ZC3HC1: variants seen among roughly 807,000 people sequenced by gnomAD.
ZC3HC1 encodes zinc finger C3HC-type protein 1.
ZC3HC1 carries 38 observed loss-of-function variants against 61.9 expected under a neutral mutation model. The observed-to-expected ratio is 0.61, with a 90% CI of 0.47 to 0.81. The LOEUF (loss-of-function observed/expected upper bound fraction) is 0.81, where lower values mean the gene tolerates loss of function less well. ZC3HC1 is among the 30% of genes least tolerant of loss of function. The pLI, the probability that ZC3HC1 is intolerant of heterozygous loss-of-function variation, is 0.00. For synonymous variants in ZC3HC1, 213 were observed against 229.9 expected, an observed-to-expected ratio of 0.93 and a Z score of 0.67; for missense variants, 554 against 622.7, an observed-to-expected ratio of 0.89 and a Z score of 1.17.
intron 4 of ZC3HC1, among the ~76,000 whole-genome samples, chr7:130,032,714 G>GAAGC (rs1794257240): frequency 8.1e-6 from 1 of 123,630 alleles, no homozygotes; most frequent in Non-Finnish European, 1.7e-5. Context: ...AGGAAGGAAG[G>GAAGC]AAGGGAAGGA....
chr7:130,043,661 AT>A (rs1438622236), intron 2 of ZC3HC1: 4 of 309,868 alleles, frequency 1.3e-5, no homozygotes, highest in African/African-American at 8.8e-5. Flanking sequence ...TCTTAAAGCC[AT>A]TAGGCGGTGA....
intron 4 of ZC3HC1, among the ~76,000 whole-genome samples, chr7:130,029,239 T>C (rs1426638977): frequency 1.3e-5 from 2 of 151,924 alleles, no homozygotes; most frequent in East Asian, 3.9e-4. Context: ...CCAGGCATGG[T>C]GGCGCGTGCC....
intron 4 of ZC3HC1, among the ~76,000 whole-genome samples, chr7:130,031,522 A>C (rs899930888): frequency 6.6e-6 from 1 of 152,150 alleles, no homozygotes; most frequent in Non-Finnish European, 1.5e-5. Context: ...TTCCCCAGAC[A>C]GGTTTTCAAA....
At chr7:130,048,145 T>C (rs1158000220) in intron 2 of ZC3HC1, among the ~76,000 whole-genome samples, 1 of 26,796 alleles carries the variant, frequency 3.7e-5, no homozygotes, top group Non-Finnish European at 6.2e-5. Context: ...TCCTAGTTGT[T>C]TTTTTTTTTT....
At chr7:130,049,175 C>T in intron 1 of ZC3HC1, 31 bp from the exon 2 acceptor site, 1 of 1,522,880 alleles carries the variant, frequency 6.6e-7, no homozygotes. Flanking sequence ...TGTTGGTAAA[C>T]CTTTCACAGT....
In ZC3HC1 at chr7:130,024,356, C is replaced by G; in HGVS notation, c.927G>C (p.Glu309Asp). 6.2e-7 allele frequency: 1 copy of G among 1,614,142 alleles called. No homozygotes were observed. Among genetic ancestry groups the G allele is most frequent in the Non-Finnish European group, 8.5e-7 (1 of 1,180,036 alleles). Residue 309 changes from glutamate (E) to aspartate (D), a missense_variant, in exon 7 of 10, where the codon GAG becomes GAC. Coordinates refer to ENST00000358303, the MANE Select transcript of ZC3HC1 (RefSeq NM_016478.5). Reference sequence around the variant, plus strand: ...CCAGAGGTAAGCGCTCTGGTCGCCCCTCAAGGCCTGGGATTGGGGAGCTGG... The same window carrying G: ...CCAGAGGTAAGCGCTCTGGTCGCCCGTCAAGGCCTGGGATTGGGGAGCTGG... ...GLTSSPIPGLEGRPERLPLVP... is the reference protein window; with the variant it reads ...GLTSSPIPGLDGRPERLPLVP...
At chr7:130,019,437 G>A (rs893686418) in intron 9 of ZC3HC1, among the ~76,000 whole-genome samples, 2 of 152,204 alleles carry the variant, frequency 1.3e-5, no homozygotes, top group South Asian at 2.1e-4. Flanking sequence ...ATGCCTAGCT[G>A]AGGTTAACAG....
intron 4 of ZC3HC1, among the ~76,000 whole-genome samples, chr7:130,029,757 A>G (rs1332851332): frequency 6.6e-6 from 1 of 152,216 alleles, no homozygotes; most frequent in Non-Finnish European, 1.5e-5. Flanking sequence ...GAGAAAACAG[A>G]ACAGAGTTAG....
intron 2 of ZC3HC1, among the ~76,000 whole-genome samples, chr7:130,048,571 T>C (rs1044320642): frequency 3.3e-5 from 5 of 152,074 alleles, no homozygotes; most frequent in East Asian, 1.9e-4. Context: ...CAAAGGAAAA[T>C]CTAGAAAGAG....
intron 4 of ZC3HC1, 24 bp downstream of exon 4, chr7:130,039,440 A>T: frequency 1.3e-6 from 2 of 1,585,190 alleles, no homozygotes; most frequent in Non-Finnish European, 8.6e-7. Flanking sequence ...AAAATGGTGA[A>T]CAGGAATTCT....
At chr7:130,024,542 G>GT (rs756437816) in intron 6 of ZC3HC1, 36 bp from the exon 7 acceptor site, 1 of 1,574,926 alleles carries the variant, frequency 6.3e-7, no homozygotes, top group Admixed American at 1.8e-5. Context: ...TTCTCAAAGT[G>GT]TAACATTTCC....
chr7:130,029,368 C>T (rs529347766), intron 4 of ZC3HC1, among the ~76,000 whole-genome samples: 2 of 152,082 alleles, frequency 1.3e-5, no homozygotes, highest in South Asian at 2.1e-4. Flanking sequence ...GAGAGAGACT[C>T]TGTCTCAAAA....
intron 1 of ZC3HC1, 110 bp from the exon 2 acceptor site, chr7:130,049,254 A>G: frequency 1.5e-6 from 1 of 665,294 alleles, no homozygotes; most frequent in Non-Finnish European, 2.3e-6. Flanking sequence ...GCTGGATTTT[A>G]AGCTTCCTAA....
chr7:130,029,862 T>C (rs1280087561), intron 4 of ZC3HC1, among the ~76,000 whole-genome samples: 1 of 152,010 alleles, frequency 6.6e-6, no homozygotes, highest in Non-Finnish European at 1.5e-5. Context: ...ATGAAAAAAA[T>C]GGCATGTTCC....
intron 4 of ZC3HC1, among the ~76,000 whole-genome samples, chr7:130,030,937 G>A (rs1794157324): frequency 6.6e-6 from 1 of 151,446 alleles, no homozygotes; most frequent in Admixed American, 6.6e-5. Flanking sequence ...CAAAGTGCTG[G>A]GATTACAGGC....
At chr7:130,036,191 GA>G (rs758034253) in intron 4 of ZC3HC1, among the ~76,000 whole-genome samples, 1 of 151,922 alleles carries the variant, frequency 6.6e-6, no homozygotes, top group Admixed American at 6.6e-5. Flanking sequence ...CAATCCAAGG[GA>G]AAAGTTGGAG....
chr7:130,023,553 C>T lies in ZC3HC1; in HGVS notation c.1191G>A (p.Leu397=). The T allele has an allele frequency of 1.9e-6, 3 of 1,614,180 alleles. No homozygotes were observed. Among genetic ancestry groups the T allele is most frequent in the African/African-American group, 1.3e-5 (1 of 75,036 alleles). ...TPGLEVPSSP[L]RKAKRARLCS... ...AGAGGCGAGCTCGCTTGGCTTTCCG[C>T]AGAGGGCTAGATGGTACCTCCAGGC... The change falls in exon 8 of 10, where the codon CTG becomes CTA. Residue 397 remains leucine, a synonymous_variant. Coordinates refer to ENST00000358303, the MANE Select transcript of ZC3HC1 (RefSeq NM_016478.5). This position sits in a 1 kb window ranked among gnomAD's most constrained non-coding sequence, Gnocchi z 4.2.
intron 1 of ZC3HC1, among the ~76,000 whole-genome samples, chr7:130,050,189 T>G (rs1182158481): frequency 6.6e-6 from 1 of 152,022 alleles, no homozygotes; most frequent in East Asian, 1.9e-4. Context: ...CCAATTCTCC[T>G]GCCTCAGCCT....
At chr7:130,044,398 G>T (rs886486653) in intron 2 of ZC3HC1, among the ~76,000 whole-genome samples, 1 of 152,096 alleles carries the variant, frequency 6.6e-6, no homozygotes, top group Non-Finnish European at 1.5e-5. Context: ...CAGGGATGGG[G>T]CAAGAAAAAT....
Sources: gnomAD v4.1 joint callset for allele counts (sites outside exome capture counted in the v4.1 genomes callset) on GRCh38, gnomAD v4.1.1 for gene constraint, Gnocchi (gnomAD v3.1) non-coding constraint, MANE v1.5 for transcripts, NCBI Gene and HGNC (gene_info 2026-07-23, HGNC 2026-07-21) for gene names.